Variants in MAML2 observed in about 807,000 individuals in gnomAD.
MAML2 encodes the protein mastermind like transcriptional coactivator 2.
Under a neutral mutation model 96.1 loss-of-function variants are expected in MAML2, and 22 were observed. The ratio of observed to expected loss-of-function variants is 0.23; its 90% confidence interval spans 0.16 to 0.33. MAML2 has a LOEUF of 0.33. Among genes scored for constraint, MAML2 ranks in the 10% least tolerant of loss-of-function variants. MAML2 has a pLI of 1.00. For synonymous variants in MAML2, 561 were observed against 521.3 expected (o/e 1.08, Z -1.04); for missense variants, 1,367 against 1,392.4 (o/e 0.98, Z 0.29).
rs181954309 is a variant in MAML2 at position 96,325,439 on chromosome 11, A to G, written c.513+15944T>C. Among the ~76,000 whole-genome samples, 235 of 152,308 alleles carry G rather than the reference A, an allele frequency of 1.5e-3. 1 individual carries two copies. Among genetic ancestry groups the G allele is most frequent in the African/African-American group, 5.4e-3 (225 of 41,558 alleles). On this transcript the variant is annotated intron_variant, in intron 1 of 4. Coordinates refer to ENST00000524717, the MANE Select transcript of MAML2 (RefSeq NM_032427.4). ...ATTTGCTATTCAAAAGTAAGATATT[A>G]TTACCATTTCTCAACTTCTCCAAGT...
intron 1 of MAML2, among the ~76,000 whole-genome samples, chr11:96,110,636 T>C (rs1437601470): frequency 6.6e-6 from 1 of 152,184 alleles, no homozygotes; most frequent in East Asian, 1.9e-4. Context: ...AGCATCGGTG[T>C]TGCATTCAGG....
At chr11:96,006,508 C>T (rs1858180006) in intron 2 of MAML2, among the ~76,000 whole-genome samples, 2 of 151,612 alleles carry the variant, frequency 1.3e-5, no homozygotes, top group South Asian at 4.2e-4. Context: ...GAAAACAGTA[C>T]CTAAATTTTT....
intron 2 of MAML2, among the ~76,000 whole-genome samples, chr11:96,064,911 T>C (rs1476137311): frequency 6.6e-6 from 1 of 152,224 alleles, no homozygotes; most frequent in East Asian, 1.9e-4. Flanking sequence ...TTTTATAAAC[T>C]TGATCATTGT....
chr11:96,042,178 G>A lies in MAML2; in HGVS notation c.2139+49714C>T, dbSNP rs184852819. Among the ~76,000 whole-genome samples, 744 of 152,114 alleles carry A rather than the reference G, an allele frequency of 4.9e-3. 8 individuals are homozygous for A. Among genetic ancestry groups the A allele is most frequent in the African/African-American group, 0.017 (715 of 41,494 alleles). Reference sequence around the variant, plus strand: ...TTTTTAGTAGAGACGAGGTTTTACCGTGTTAGCCAGGATGGTCTCGATCTC... The same window carrying A: ...TTTTTAGTAGAGACGAGGTTTTACCATGTTAGCCAGGATGGTCTCGATCTC... On this transcript the variant is annotated intron_variant, in intron 2 of 4. Transcript: ENST00000524717.
intron 4 of MAML2, among the ~76,000 whole-genome samples, chr11:95,981,895 C>T (rs1857745802): frequency 6.6e-6 from 1 of 151,998 alleles, no homozygotes; most frequent in African/African-American, 2.4e-5. Flanking sequence ...ATGATATGGC[C>T]TGAGAAGGTT....
At chr11:96,028,176 C>T (rs1858553803) in intron 2 of MAML2, among the ~76,000 whole-genome samples, 2 of 152,194 alleles carry the variant, frequency 1.3e-5, no homozygotes, top group South Asian at 4.1e-4. Context: ...TTAGGTACTT[C>T]AGTCTGGACC....
At chr11:96,165,541 T>G (rs1861177139) in intron 1 of MAML2, among the ~76,000 whole-genome samples, 1 of 152,246 alleles carries the variant, frequency 6.6e-6, no homozygotes, top group South Asian at 2.1e-4. Flanking sequence ...TACATATCTC[T>G]GTTTTTTTAA....
intron 2 of MAML2, among the ~76,000 whole-genome samples, chr11:96,061,796 CT>C (rs924933769): frequency 1.9e-4 from 29 of 150,302 alleles, no homozygotes; most frequent in African/African-American, 2.7e-4. Context: ...TCTTCTTTTC[CT>C]TTTTTTTTAA....
intron 2 of MAML2, among the ~76,000 whole-genome samples, chr11:96,083,705 A>G (rs933211929): frequency 9.2e-5 from 14 of 152,338 alleles, no homozygotes; most frequent in African/African-American, 3.1e-4. Context: ...TTATTTGTCC[A>G]CATGTTCAAC....
intron 1 of MAML2, among the ~76,000 whole-genome samples, chr11:96,279,325 A>T (rs1235068528): frequency 1.3e-5 from 2 of 152,234 alleles, no homozygotes; most frequent in Admixed American, 1.3e-4. Context: ...TATTTTCGTT[A>T]TAAGGAGAGA....
At chr11:96,327,398 AAACTGATCTTCTTTCCC>A (rs1326042732) in intron 1 of MAML2, among the ~76,000 whole-genome samples, 3 of 152,024 alleles carry the variant, frequency 2.0e-5, no homozygotes, top group African/African-American at 7.3e-5. Flanking sequence ...ACTTCCTTCA[AAACTGATCTTCTTTCCC>A]ATACACTTTT....
At chr11:95,986,402 A>G (rs933805136) in intron 3 of MAML2, among the ~76,000 whole-genome samples, 4 of 151,422 alleles carry the variant, frequency 2.6e-5, no homozygotes, top group Non-Finnish European at 4.4e-5. Context: ...GGCTTTTACC[A>G]TATTGGCCAG....
chr11:96,276,941 G>A (rs1862997594), intron 1 of MAML2, among the ~76,000 whole-genome samples: 1 of 151,798 alleles, frequency 6.6e-6, no homozygotes, highest in African/African-American at 2.4e-5. Flanking sequence ...TCATCCCACT[G>A]ATATTTATCA....
chr11:96,219,521 A>T (rs889669759), intron 1 of MAML2, among the ~76,000 whole-genome samples: 4 of 152,208 alleles, frequency 2.6e-5, no homozygotes, highest in Non-Finnish European at 5.9e-5. Flanking sequence ...TTGCACCGTG[A>T]TTTACAGCAT....
At chr11:96,295,090 T>C (rs1863272482) in intron 1 of MAML2, among the ~76,000 whole-genome samples, 1 of 152,224 alleles carries the variant, frequency 6.6e-6, no homozygotes, top group Admixed American at 6.5e-5. Flanking sequence ...TCTGCTAAAC[T>C]TTAGTCAGAC....
rs139546245 is a variant in MAML2, at chr11:96,109,151, G to A, written c.514-15634C>T. Among the ~76,000 whole-genome samples, 3 of 152,166 alleles carry A rather than the reference G, an allele frequency of 2.0e-5. No individual in the cohort carries two copies. In the South Asian group the frequency reaches 6.2e-4, roughly 32 times the overall value. On this transcript the variant is annotated intron_variant, in intron 1 of 4. Transcript: ENST00000524717. ...GAGGAAACATCCATTTCATTCTGGA[G>A]GGTTATTCCAGGGAACCACTATAGT...
intron 2 of MAML2, among the ~76,000 whole-genome samples, chr11:96,002,549 GGAT>G (rs112698553): frequency 0.23 from 35,396 of 150,816 alleles, 4,387 homozygotes; most frequent in East Asian, 0.38. Flanking sequence ...ATGATGATGG[GGAT>G]GATGAAGATG....
chr11:96,085,811 GTTC>G (rs1859600938), intron 2 of MAML2, among the ~76,000 whole-genome samples: 1 of 152,160 alleles, frequency 6.6e-6, no homozygotes, highest in African/African-American at 2.4e-5. Context: ...AGGCTAACAT[GTTC>G]TTCTTGTTAT....
chr11:96,343,180 G>GAGAA lies in MAML2; in HGVS notation c.-1289_-1286dup. 3.3e-6 allele frequency: 1 copy of GAGAA among 302,338 alleles called. No homozygotes were observed. Among genetic ancestry groups the GAGAA allele is most frequent in the South Asian group, 1.5e-4 (1 of 6,598 alleles). 18.7% of individuals were successfully genotyped at this position (302,338 alleles called of 1,614,324 possible). On this transcript the variant is annotated 5_prime_UTR_variant, in exon 1 of 5. Coordinates refer to ENST00000524717, the MANE Select transcript of MAML2 (RefSeq NM_032427.4). ...TCATTGTGCTCCGATAGGAGAGGGAGAGAAAGAGAGAGAGTGAGACAGAGA... is the reference window on the plus strand; with the variant it reads ...TCATTGTGCTCCGATAGGAGAGGGAGAGAAAGAAAGAGAGAGAGTGAGACAGAGA...
Sources: allele counts gnomAD v4.1 joint callset (sites outside exome capture counted in the v4.1 genomes callset), GRCh38; gene constraint gnomAD v4.1.1; transcripts MANE v1.5; gene names NCBI Gene and HGNC (gene_info 2026-07-23, HGNC 2026-07-21).